The following AFF2 variants were observed in gnomAD, a reference collection of about 807,000 sequenced individuals.
AFF2 encodes ALF transcription elongation factor 2, also known as AF4/FMR2 family member 2.
In AFF2, 14 loss-of-function variants were observed where a neutral mutation model predicts 76.9. The ratio of observed to expected loss-of-function variants is 0.18; its 90% CI spans 0.12 to 0.28. The LOEUF is 0.28. Ranked by LOEUF, AFF2 falls within the 10% of genes least tolerant of loss-of-function variation. The pLI, the probability that AFF2 is intolerant of heterozygous loss-of-function variation, is 1.00. For synonymous variants in AFF2, 398 were observed against 366.7 expected, an observed-to-expected ratio of 1.09 and a Z score of -0.98; for missense variants, 868 against 1,001.1, an observed-to-expected ratio of 0.87 and a Z score of 1.79.
At chrX:148,626,529 G>T (rs1358197394) in intron 1 of AFF2, among the ~76,000 whole-genome samples, 1 of 110,802 alleles carries the variant, frequency 9.0e-6, no homozygotes, top group African/African-American at 3.3e-5. Context: ...CCACAAACTT[G>T]GTGTCTTTAA....
At chrX:148,895,834 C>T (rs1352205202) in intron 8 of AFF2, among the ~76,000 whole-genome samples, 14 of 110,659 alleles carry the variant, frequency 1.3e-4, no homozygotes, top group Non-Finnish European at 2.6e-4. Context: ...CTTCTTCTCC[C>T]CTCTGTATCT....
chrX:148,850,860 C>T (rs1557275261), intron 7 of AFF2, among the ~76,000 whole-genome samples: 1 of 111,493 alleles, frequency 9.0e-6, no homozygotes, highest in Non-Finnish European at 1.9e-5. Flanking sequence ...TCTGCATTCT[C>T]AGAATATGCT....
At chrX:148,643,654 G>A (rs782783012) in intron 1 of AFF2, among the ~76,000 whole-genome samples, 1 of 112,200 alleles carries the variant, frequency 8.9e-6, no homozygotes, top group South Asian at 3.7e-4. Flanking sequence ...CAATAGAGCT[G>A]TGGTAGGGTA....
chrX:148,708,077 C>A (rs2054908309), intron 3 of AFF2, among the ~76,000 whole-genome samples: 1 of 111,941 alleles, frequency 8.9e-6, no homozygotes, highest in Non-Finnish European at 1.9e-5. Context: ...CAATTGTTGG[C>A]TTATTCTTGT....
chrX:148,543,523 G>T (rs1557237788), intron 1 of AFF2, among the ~76,000 whole-genome samples: 1 of 111,206 alleles, frequency 9.0e-6, no homozygotes, highest in African/African-American at 3.3e-5. Context: ...CTTGCCCAAG[G>T]CCACAGGGTA....
chrX:148,614,709 CTTTCTTTCTTT>C (rs1462391974), intron 1 of AFF2, among the ~76,000 whole-genome samples: 1 of 44,219 alleles, frequency 2.3e-5, no homozygotes, highest in Non-Finnish European at 4.1e-5. Context: ...TTCTTTCTTT[CTTTCTTTCTTT>C]CTTTCTTTCT....
intron 3 of AFF2, among the ~76,000 whole-genome samples, chrX:148,786,459 T>G (rs2069821931): frequency 8.9e-6 from 1 of 111,912 alleles, no homozygotes; most frequent in Admixed American, 9.4e-5. Flanking sequence ...GGTCAAGCTT[T>G]TGGCAGTGTT....
intron 1 of AFF2, among the ~76,000 whole-genome samples, chrX:148,620,234 T>C (rs1557251048): frequency 9.0e-6 from 1 of 110,998 alleles, no homozygotes; most frequent in African/African-American, 3.3e-5. Context: ...AGTGATGTTC[T>C]TAGGAAGTCC....
In AFF2 at chrX:148,521,374, G is replaced by GCACACACACACACA. The variant is rs781978355; in HGVS notation, c.47+20254_47+20267dup. Among the ~76,000 whole-genome samples, 256 of 90,908 alleles carry GCACACACACACACA rather than the reference G, an allele frequency of 2.8e-3. 2 individuals carry two copies. The highest frequency in any genetic ancestry group is 0.01 in the African/African-American group (242 of 23,512). The allele number at this position is 90,908 out of a possible 115,157, so 78.9% of individuals were successfully genotyped here. On this transcript the variant is annotated intron_variant, in intron 1 of 20. Transcript: ENST00000370460. The stretch of plus-strand genomic sequence containing the variant: ...ACAGGTACCTGAAAAGCACGTGCAT[G>GCACACACACACACA]CACACACACACACACACACACACAC...
intron 3 of AFF2, among the ~76,000 whole-genome samples, chrX:148,733,217 G>T (rs73638182): frequency 3.6e-5 from 4 of 111,197 alleles, no homozygotes; most frequent in Non-Finnish European, 5.6e-5. Context: ...CCTGCTTGGC[G>T]TTATGTGTTA....
At chrX:148,944,080 G>T (rs1433811481) in intron 9 of AFF2, among the ~76,000 whole-genome samples, 1 of 112,197 alleles carries the variant, frequency 8.9e-6, no homozygotes, top group Non-Finnish European at 1.9e-5. Flanking sequence ...AAAAGGCGGA[G>T]GCTTATGCTA....
At chrX:148,971,747 C>CTTTTTTTTTTTTTTTTTTTTTTT (rs781928514) in intron 15 of AFF2, among the ~76,000 whole-genome samples, 5 of 44,728 alleles carry the variant, frequency 1.1e-4, no homozygotes, top group Admixed American at 6.6e-4. Flanking sequence ...TTTTCTATTT[C>CTTTTTTTTTTTTTTTTTTTTTTT]TTTTTTTTTT....
intron 3 of AFF2, among the ~76,000 whole-genome samples, chrX:148,666,266 T>C (rs2054358235): frequency 8.9e-6 from 1 of 112,265 alleles, no homozygotes; most frequent in African/African-American, 3.2e-5. Context: ...AATTGAGGCA[T>C]GTCATTTTAA....
rs2070545650 is a variant in AFF2 at position 148,837,741 on chromosome X, C to A, written c.1173+8C>A. On this transcript the variant is annotated splice_region_variant and intron_variant, in intron 5 of 20. Transcript: ENST00000370460. ...TTTTCCATCCCAGGACAGGTCAGTT[C>A]TCTTCCTTCCTGCATTTTTGTTTGT... 2.7e-6 allele frequency: 3 copies of A among 1,113,858 alleles called. No individual in the cohort carries two copies. Among genetic ancestry groups the A allele is most frequent in the Admixed American group, 2.3e-5 (1 of 43,109 alleles). The allele number at this position is 1,113,858 out of a possible 1,213,427, so 91.8% of individuals were successfully genotyped here. A position where few individuals can be genotyped will look rare whatever the true frequency, so the allele number is the denominator to read the frequency against.
At chrX:148,885,525 A>G (rs2071148352) in intron 7 of AFF2, among the ~76,000 whole-genome samples, 1 of 110,406 alleles carries the variant, frequency 9.1e-6, no homozygotes, top group African/African-American at 3.3e-5. Context: ...TTCATGGGAA[A>G]CTCTGAGCAC....
intron 1 of AFF2, among the ~76,000 whole-genome samples, chrX:148,622,764 C>A (rs2053882437): frequency 9.0e-6 from 1 of 111,676 alleles, no homozygotes; most frequent in Non-Finnish European, 1.9e-5. Flanking sequence ...GCGATGTAGT[C>A]CCAGGCCAAC....
At position 148,617,004 on chromosome X, in the gene AFF2, T is replaced by C. The variant is rs1231297014; in HGVS notation, c.48-34995T>C. ...GACATTTAGGTTAGTTCCAAGTCTT[T>C]GCTATTGTGAATAATGCCACAATAA... On this transcript the variant is annotated intron_variant, in intron 1 of 20. Coordinates refer to ENST00000370460, the MANE Select transcript of AFF2 (RefSeq NM_002025.4). Among the ~76,000 whole-genome samples, 142 of 112,050 alleles carry C rather than the reference T, an allele frequency of 1.3e-3. 1 individual carries two copies. Among genetic ancestry groups the C allele is most frequent in the Non-Finnish European group, 1.3e-3 (68 of 53,164 alleles).
At chrX:148,613,168 C>T (rs1184849672) in intron 1 of AFF2, among the ~76,000 whole-genome samples, 3 of 111,614 alleles carry the variant, frequency 2.7e-5, no homozygotes, top group Non-Finnish European at 5.7e-5. Flanking sequence ...TTGTACCTCC[C>T]CACTTATCGT....
In AFF2 at chrX:148,702,329, C is replaced by T. The variant is rs928483127; in HGVS notation, c.1041+39561C>T. 1.5e-4 allele frequency among the ~76,000 whole-genome samples: 17 copies of T among 111,651 alleles called. 1 individual carries two copies. The highest frequency in any genetic ancestry group is 2.8e-4 in the Non-Finnish European group (15 of 53,162). On this transcript the variant is annotated intron_variant, in intron 3 of 20. Coordinates refer to ENST00000370460, the MANE Select transcript of AFF2 (RefSeq NM_002025.4). ...CAGAAATATTGAGTAATGGCAGTTC[C>T]ATTAGAATGGCGTTCATTGTTGATA...
Sources: allele counts gnomAD v4.1 joint callset (sites outside exome capture counted in the v4.1 genomes callset), GRCh38; gene constraint gnomAD v4.1.1; transcripts MANE v1.5; gene names NCBI Gene and HGNC (gene_info 2026-07-23, HGNC 2026-07-21).